LHX2: variants seen among roughly 807,000 people sequenced by gnomAD.
LHX2 encodes LIM homeobox 2.
Under a neutral mutation model 33.0 loss-of-function variants are expected in LHX2, and 6 were observed. The ratio of observed to expected loss-of-function variants is 0.18; its 90% CI spans 0.10 to 0.36. The LOEUF is 0.36. LHX2 is among the 10% of genes least tolerant of loss of function. LHX2 has a pLI of 1.00. For synonymous variants in LHX2, 292 were observed against 253.1 expected, an observed-to-expected ratio of 1.15 and a Z score of -1.46; for missense variants, 442 against 586.2, an observed-to-expected ratio of 0.75 and a Z score of 2.54.
chr9:124,021,668 T>C (rs1859296279), intron 4 of LHX2, among the ~76,000 whole-genome samples: 1 of 152,212 alleles, frequency 6.6e-6, no homozygotes, highest in Non-Finnish European at 1.5e-5. Context: ...GGTTCAAACA[T>C]TTCAGATAAA....
chr9:124,024,708 C>T (rs143360495), intron 4 of LHX2, among the ~76,000 whole-genome samples: 2 of 152,320 alleles, frequency 1.3e-5, no homozygotes, highest in East Asian at 1.9e-4. Context: ...GTCATTTACA[C>T]AGTACAGTTC....
At position 124,020,422 on chromosome 9, in the gene LHX2, T is replaced by G. The variant is rs188157322; in HGVS notation, c.728-677T>G. On this transcript the variant is annotated intron_variant, in intron 3 of 4. Coordinates refer to ENST00000373615, the MANE Select transcript of LHX2 (RefSeq NM_004789.4). ...GAGGATTAAACTGCAAAATGCAGTT[T>G]CCAACCTTTGGCCCAGTGCCCAAGG... 7.3e-4 allele frequency among the ~76,000 whole-genome samples: 111 copies of G among 152,286 alleles called. 1 individual carries two copies. The highest frequency in any genetic ancestry group is 2.5e-3 in the African/African-American group (102 of 41,556).
intron 4 of LHX2, among the ~76,000 whole-genome samples, chr9:124,026,344 GC>G (rs1187162747): frequency 1.3e-5 from 2 of 151,964 alleles, no homozygotes; most frequent in African/African-American, 4.8e-5. Flanking sequence ...TGTAATCCCA[GC>G]TACTTGGGAG....
chr9:124,015,049 C>T lies in LHX2; in HGVS notation c.324-73C>T, dbSNP rs1488058688. 2 of 1,550,180 alleles carry T rather than the reference C, an allele frequency of 1.3e-6. No homozygotes were observed. The highest frequency in any genetic ancestry group is 1.7e-6 in the Non-Finnish European group (2 of 1,145,106). On this transcript the variant is annotated intron_variant, in intron 2 of 4. Transcript: ENST00000373615. The surrounding 1 kb of genome is among the most constrained non-coding windows in gnomAD (Gnocchi z 7.9). ...AGGGGATTGCCCCCCGCAGCAGCAGCGGCACCTGGAGGAGGAAAAGGGGGG... is the reference window on the plus strand; with the variant it reads ...AGGGGATTGCCCCCCGCAGCAGCAGTGGCACCTGGAGGAGGAAAAGGGGGG...
intron 4 of LHX2, among the ~76,000 whole-genome samples, chr9:124,029,644 C>T (rs1345458650): frequency 6.6e-6 from 1 of 152,154 alleles, no homozygotes; most frequent in Non-Finnish European, 1.5e-5. Flanking sequence ...CAGCCCTGCC[C>T]GAGGTCTTGG....
intron 3 of LHX2, among the ~76,000 whole-genome samples, chr9:124,020,562 C>T (rs548009701): frequency 1.4e-4 from 22 of 152,230 alleles, no homozygotes; most frequent in Non-Finnish European, 3.1e-4. Context: ...AAGCACTCCT[C>T]CTTAGAGTGC....
intron 3 of LHX2, among the ~76,000 whole-genome samples, chr9:124,018,006 G>A (rs1483809627): frequency 6.6e-6 from 1 of 151,820 alleles, no homozygotes; most frequent in African/African-American, 2.4e-5. Context: ...AGTCCCGCGC[G>A]GACCGGCCGG....
In LHX2 at chr9:124,032,589, C is replaced by T; in HGVS notation, c.1103C>T (p.Thr368Ile). The T allele has an allele frequency of 6.2e-7, 1 of 1,614,212 alleles. No homozygotes were observed. The highest frequency in any genetic ancestry group is 8.5e-7 in the Non-Finnish European group (1 of 1,180,032). ...LSPSSTPTTL[T>I]DLTSPTLPTV... Reference sequence around the variant, plus strand: ...CCCTCCAGCACGCCCACCACCCTGACAGACTTGACTAGCCCCACCCTGCCA... The same window carrying T: ...CCCTCCAGCACGCCCACCACCCTGATAGACTTGACTAGCCCCACCCTGCCA... Residue 368 changes from threonine to isoleucine, a missense_variant, in exon 5 of 5, where the codon ACA becomes ATA. Physicochemically the swap from Thr to Ile is moderately conservative, Grantham distance 89. Transcript: ENST00000373615. This position sits in a 1 kb window ranked among gnomAD's most constrained non-coding sequence, Gnocchi z 4.1.
At position 124,012,510 on chromosome 9, in the gene LHX2, G is replaced by A; in HGVS notation, c.120+42G>A. ...GGGGTCGGGGCTGAGAGCTGGGATG[G>A]GGCCGGGCCAGTCAGCGCCTCTGCT... On this transcript the variant is annotated intron_variant, in intron 1 of 4. Coordinates refer to ENST00000373615, the MANE Select transcript of LHX2 (RefSeq NM_004789.4). This position sits in a 1 kb window ranked among gnomAD's most constrained non-coding sequence, Gnocchi z 4.3. 1.4e-6 allele frequency: 2 copies of A among 1,480,144 alleles called. No individual in the cohort carries two copies. The highest frequency in any genetic ancestry group is 2.9e-5 in the African/African-American group (2 of 69,104). The allele number at this position is 1,480,144 out of a possible 1,614,324, so 91.7% of individuals were successfully genotyped here. A position where few individuals can be genotyped will look rare whatever the true frequency, so the allele number is the denominator to read the frequency against.
chr9:124,032,589 C>A lies in LHX2; in HGVS notation c.1103C>A (p.Thr368Lys), dbSNP rs761926920. ...CCCTCCAGCACGCCCACCACCCTGA[C>A]AGACTTGACTAGCCCCACCCTGCCA... Reference protein sequence around the residue: ...LSPSSTPTTLTDLTSPTLPTV... With the variant: ...LSPSSTPTTLKDLTSPTLPTV... Residue 368 changes from threonine (T) to lysine (K), a missense_variant, in exon 5 of 5, where the codon ACA (threonine) becomes AAA (lysine). Transcript: ENST00000373615. The surrounding 1 kb of genome is among the most constrained non-coding windows in gnomAD (Gnocchi z 4.1). The A allele has an allele frequency of 2.5e-6, 4 of 1,614,212 alleles. No individual in the cohort carries two copies. The highest frequency in any genetic ancestry group is 3.4e-6 in the Non-Finnish European group (4 of 1,180,032).
intron 3 of LHX2, among the ~76,000 whole-genome samples, chr9:124,019,493 G>A (rs2118760683): frequency 6.6e-6 from 1 of 152,292 alleles, no homozygotes; most frequent in East Asian, 1.9e-4. Context: ...GAATAAATTT[G>A]AAATTTGTAG....
At chr9:124,026,946 T>C (rs1340359076) in intron 4 of LHX2, among the ~76,000 whole-genome samples, 4 of 152,180 alleles carry the variant, frequency 2.6e-5, no homozygotes, top group Non-Finnish European at 5.9e-5. Context: ...AGTGGTCTTT[T>C]TCCTGCCTGT....
rs1296021787 is a variant in LHX2, at chr9:124,021,315, G to A, written c.933+11G>A. On this transcript the variant is annotated intron_variant, in intron 4 of 4. Coordinates refer to ENST00000373615, the MANE Select transcript of LHX2 (RefSeq NM_004789.4). ...AAGCGGGTCCTCCAGGTCAGCCAGG[G>A]CCAGGGGTGAGGGCATCTGCGACCA... is the stretch of plus-strand genomic sequence containing the variant. 3 of 1,611,688 alleles carry A rather than the reference G, an allele frequency of 1.9e-6. No individual in the cohort carries two copies. Among genetic ancestry groups the A allele is most frequent in the South Asian group, 1.1e-5 (1 of 91,062 alleles).
In LHX2 at chr9:124,032,615, A is replaced by C. The variant is rs1489617052; in HGVS notation, c.1129A>C (p.Thr377Pro). 6.2e-7 allele frequency: 1 copy of C among 1,614,168 alleles called. No individual in the cohort carries two copies. Among genetic ancestry groups the C allele is most frequent in the Non-Finnish European group, 8.5e-7 (1 of 1,180,012 alleles). Residue 377 changes from threonine (T) to proline (P), a missense_variant, in exon 5 of 5, where the codon ACT becomes CCT. Thr to Pro is a conservative substitution (Grantham distance 38). This residue lies in a region of LHX2 where 109 missense variants were observed against 98.7 expected (regional missense o/e 1.10). Transcript: ENST00000373615. This position sits in a 1 kb window ranked among gnomAD's most constrained non-coding sequence, Gnocchi z 4.1. ...AGACTTGACTAGCCCCACCCTGCCA[A>C]CTGTGACGTCCGTCTTAACTTCTGT... ...LTDLTSPTLP[T>P]VTSVLTSVPG... is the part of the protein sequence containing the mutation.
In LHX2 at chr9:124,015,105, C is replaced by T. The variant is rs769161905; in HGVS notation, c.324-17C>T. On this transcript the variant is annotated splice_polypyrimidine_tract_variant and intron_variant, in intron 2 of 4. Coordinates refer to ENST00000373615, the MANE Select transcript of LHX2 (RefSeq NM_004789.4). The surrounding 1 kb of genome is among the most constrained non-coding windows in gnomAD (Gnocchi z 7.9). ...AACCGTGTGTTCCCACAGCCCCTCC[C>T]TCCATGGTCCCTACAGGCGCTTCTC... The T allele has an allele frequency of 1.2e-6, 2 of 1,609,964 alleles. No individual in the cohort carries two copies. The highest frequency in any genetic ancestry group is 1.7e-6 in the Non-Finnish European group (2 of 1,179,778).
rs1453619025 is a variant in LHX2 at position 124,032,466 on chromosome 9, G to A, written c.980G>A (p.Arg327Gln). 1 of 1,607,510 alleles carries A rather than the reference G, an allele frequency of 6.2e-7. No homozygotes were observed. The highest frequency in any genetic ancestry group is 8.5e-7 in the Non-Finnish European group (1 of 1,178,118). ...GCCAAGTTCAGGCGCAACCTCTTAC[G>A]GCAGGAAAACACGGGCGTGGACAAG... ...ARAKFRRNLL[R>Q]QENTGVDKST... Residue 327 changes from arginine (R) to glutamine (Q), a missense_variant, in exon 5 of 5, where the codon CGG becomes CAG. Physicochemically the swap from Arg to Gln is conservative, Grantham distance 43. Around this residue, in one of 5 missense-constraint regions of LHX2, gnomAD observed 32 missense variants for 95.3 expected, o/e 0.34. Transcript: ENST00000373615. This position sits in a 1 kb window ranked among gnomAD's most constrained non-coding sequence, Gnocchi z 4.1.
intron 4 of LHX2, among the ~76,000 whole-genome samples, chr9:124,022,118 G>A (rs1859303245): frequency 6.6e-6 from 1 of 152,194 alleles, no homozygotes; most frequent in Non-Finnish European, 1.5e-5. Context: ...ATGACCCAAA[G>A]TTGTGGCAGA....
At chr9:124,017,685 C>G (rs1370543568) in intron 3 of LHX2, among the ~76,000 whole-genome samples, 1 of 152,128 alleles carries the variant, frequency 6.6e-6, no homozygotes, top group Non-Finnish European at 1.5e-5. Flanking sequence ...TGGGGACAGT[C>G]CCTCCGAGGC....
intron 4 of LHX2, among the ~76,000 whole-genome samples, chr9:124,023,227 T>C (rs1460725326): frequency 1.3e-5 from 2 of 152,190 alleles, no homozygotes; most frequent in Non-Finnish European, 2.9e-5. Context: ...GTCCAATCTT[T>C]TGGCTTCCCT....
Sources: gnomAD v4.1 joint callset for allele counts (sites outside exome capture counted in the v4.1 genomes callset) on GRCh38, gnomAD v4.1.1 for gene constraint, gnomAD v4.1.1 regional missense constraint, Gnocchi (gnomAD v3.1) non-coding constraint, MANE v1.5 for transcripts, NCBI Gene and HGNC (gene_info 2026-07-23, HGNC 2026-07-21) for gene names.